Variants in PCNX2 observed in about 807,000 individuals in gnomAD.
PCNX2 encodes pecanex 2.
In PCNX2, 168 loss-of-function variants were observed where a neutral mutation model predicts 223.8. The ratio of observed to expected loss-of-function variants is 0.75; its 90% CI spans 0.66 to 0.85. The LOEUF (loss-of-function observed/expected upper bound fraction) is 0.85. Ranked by LOEUF, PCNX2 falls within the 40% of genes least tolerant of loss-of-function variation. PCNX2 has a pLI of 0.00. For missense variants in PCNX2, 2,507 were observed against 2,675.5 expected, an observed-to-expected ratio of 0.94 and a Z score of 1.39; for synonymous variants, 1,006 against 1,052.6, an observed-to-expected ratio of 0.96 and a Z score of 0.86.
intron 17 of PCNX2, among the ~76,000 whole-genome samples, chr1:233,177,247 C>T (rs141826121): frequency 0.013 from 1,967 of 152,342 alleles, 26 homozygotes; most frequent in South Asian, 0.037. Context: ...CATGCTTATA[C>T]TGGTCCAAGC....
chr1:233,076,795 T>C (rs557378523), intron 23 of PCNX2, among the ~76,000 whole-genome samples: 73 of 152,324 alleles, frequency 4.8e-4, no homozygotes, highest in Non-Finnish European at 7.9e-4. Context: ...TGACATCTCA[T>C]GTTTGCATTT....
chr1:233,325,434 G>A, the PCNX2 span, among the ~76,000 whole-genome samples: 3 of 151,096 alleles, frequency 2.0e-5, no homozygotes, highest in African/African-American at 4.9e-5. Flanking sequence ...CGAGGGGGGC[G>A]GATCACGAGG....
chr1:233,289,494 G>A (rs897650984), intron 1 of PCNX2: 4 of 810,292 alleles, frequency 4.9e-6, no homozygotes, highest in African/African-American at 3.4e-5. Context: ...AGGAAGAGCA[G>A]AAGGATGCCT....
intron 13 of PCNX2, among the ~76,000 whole-genome samples, chr1:233,202,933 C>CT (rs1280139640): frequency 6.6e-6 from 1 of 152,202 alleles, no homozygotes; most frequent in Non-Finnish European, 1.5e-5. Flanking sequence ...ACTCATTTCA[C>CT]TAAGCAACCT....
chr1:233,067,872 A>G (rs934107274), intron 23 of PCNX2, among the ~76,000 whole-genome samples: 1 of 152,202 alleles, frequency 6.6e-6, no homozygotes, highest in African/African-American at 2.4e-5. Context: ...GCTGTCTGCA[A>G]TCTGAACAAC....
chr1:233,161,161 G>T, intron 18 of PCNX2, 110 bp downstream of exon 18: 1 of 936,926 alleles, frequency 1.1e-6, no homozygotes, highest in Non-Finnish European at 1.7e-6. Flanking sequence ...CGGGCATTTT[G>T]TTTTCTTTCT....
chr1:232,988,870 C>T (rs1273648402), intron 32 of PCNX2, among the ~76,000 whole-genome samples: 1 of 152,178 alleles, frequency 6.6e-6, no homozygotes, highest in Non-Finnish European at 1.5e-5. Context: ...ATGAGGCTGG[C>T]GTAGTGAGCG....
At position 233,262,127 on chromosome 1, in the gene PCNX2, G is replaced by C. The variant is rs574946746; in HGVS notation, c.398C>G (p.Ala133Gly). 1.0e-4 allele frequency: 165 copies of C among 1,613,720 alleles called. 5 individuals are homozygous for C. In the South Asian group the frequency reaches 1.8e-3, roughly 17 times the overall value. Residue 133 changes from alanine (A) to glycine (G), a missense_variant, in exon 3 of 34, where the codon GCC (alanine) becomes GGC (glycine). Ala to Gly is a moderately conservative substitution (Grantham distance 60). Coordinates refer to ENST00000258229, the MANE Select transcript of PCNX2 (RefSeq NM_014801.4). The stretch of plus-strand genomic sequence containing the variant: ...GGGAGGCGTGGAGAGGTTTCGACTG[G>C]CCTCTTCCTTTTTGCCATTGTGAAT... ...RQIHNGKKEE[A>G]SRNLSTPPLR...
intron 25 of PCNX2, among the ~76,000 whole-genome samples, chr1:233,029,867 T>A (rs1037008325): frequency 8.5e-5 from 13 of 152,222 alleles, no homozygotes; most frequent in African/African-American, 2.9e-4. Flanking sequence ...TGCTTATAAT[T>A]TTTCTTTACC....
Position 233,258,502 on chromosome 1 carries a change from T to C in PCNX2, c.1360A>G (p.Thr454Ala), listed in dbSNP as rs10910120. 25,040 of 1,613,668 alleles carry C rather than the reference T, an allele frequency of 0.016. 1,748 individuals are homozygous for C. In the African/African-American group the frequency reaches 0.21, roughly 13 times the overall value. The change falls in exon 5 of 34, where the codon ACT becomes GCT. Residue 454 changes from threonine to alanine, a missense_variant. By Grantham distance (58) the Thr-to-Ala change is moderately conservative. Coordinates refer to ENST00000258229, the MANE Select transcript of PCNX2 (RefSeq NM_014801.4). ...PCPEGNGSERTPERLKTRVST... is the reference protein window; with the variant it reads ...PCPEGNGSERAPERLKTRVST... ...ACCCTCGTCTTCAGTCTCTCTGGAG[T>C]CCTTTCACTTCCATTGCCTTCGGGA...
intron 25 of PCNX2, among the ~76,000 whole-genome samples, chr1:233,046,570 G>A (rs1399728554): frequency 1.3e-5 from 2 of 152,192 alleles, no homozygotes; most frequent in Admixed American, 1.3e-4. Context: ...ATTGGGGCAA[G>A]GGAACTATCA....
At position 233,037,502 on chromosome 1, in the gene PCNX2, T is replaced by TTTTCTTTCTTTCTTTCTTTCTTTC. The variant is rs149916555; in HGVS notation, c.4352-12104_4352-12103insGAAAGAAAGAAAGAAAGAAAGAAA. On this transcript the variant is annotated intron_variant, in intron 25 of 33. Coordinates refer to ENST00000258229, the MANE Select transcript of PCNX2 (RefSeq NM_014801.4). ...GGCACAACCACACCTACCTGATTGA[T>TTTTCTTTCTTTCTTTCTTTCTTTC]TTTCTTTCTTTCTTTCTTTCTTTTT... is the stretch of plus-strand genomic sequence containing the variant. 4.4e-3 allele frequency among the ~76,000 whole-genome samples: 657 copies of TTTTCTTTCTTTCTTTCTTTCTTTC among 150,954 alleles called. 3 individuals carry two copies. The highest frequency in any genetic ancestry group is 7.9e-3 in the East Asian group (40 of 5,088).
chr1:233,084,819 G>C (rs965960615), intron 23 of PCNX2, among the ~76,000 whole-genome samples: 1 of 152,100 alleles, frequency 6.6e-6, no homozygotes, highest in Admixed American at 6.5e-5. Context: ...CTGACATTAC[G>C]GGGATGTATA....
At chr1:233,195,095 T>C (rs1242911895) in intron 15 of PCNX2, among the ~76,000 whole-genome samples, 1 of 151,676 alleles carries the variant, frequency 6.6e-6, no homozygotes, top group East Asian at 1.9e-4. Context: ...GTAAATAATA[T>C]TGAGCAATAT....
At chr1:233,018,842 C>G (rs927420960) in intron 26 of PCNX2, 1 of 985,332 alleles carries the variant, frequency 1.0e-6, no homozygotes, top group African/African-American at 1.7e-5. Flanking sequence ...CTGTTAGAAA[C>G]AAACGCTTAA....
chr1:233,092,196 G>C (rs1473937498), intron 22 of PCNX2, among the ~76,000 whole-genome samples: 1 of 152,200 alleles, frequency 6.6e-6, no homozygotes, highest in African/African-American at 2.4e-5. Context: ...GGAAGAGGGA[G>C]AAGTCCCCAC....
intron 17 of PCNX2, among the ~76,000 whole-genome samples, chr1:233,176,126 T>G (rs1679459621): frequency 6.6e-6 from 1 of 152,138 alleles, no homozygotes; most frequent in South Asian, 2.1e-4. Context: ...CCAGGAAAAG[T>G]GTGAGTCAAG....
intron 32 of PCNX2, among the ~76,000 whole-genome samples, chr1:232,989,362 G>A (rs1350454108): frequency 6.6e-6 from 1 of 152,074 alleles, no homozygotes; most frequent in Admixed American, 6.5e-5. Flanking sequence ...GCTGAGGCAG[G>A]AGAATGGCGT....
intron 21 of PCNX2, among the ~76,000 whole-genome samples, chr1:233,110,212 G>A (rs565235930): frequency 6.6e-6 from 1 of 152,212 alleles, no homozygotes; most frequent in African/African-American, 2.4e-5. Flanking sequence ...GGAAACAAAA[G>A]ACATATATTC....
Sources: gnomAD v4.1 joint callset for allele counts (sites outside exome capture counted in the v4.1 genomes callset) on GRCh38, gnomAD v4.1.1 for gene constraint, MANE v1.5 for transcripts, NCBI Gene and HGNC (gene_info 2026-07-23, HGNC 2026-07-21) for gene names.